Variants in UBE2D1 observed in about 807,000 individuals in gnomAD.
UBE2D1 encodes ubiquitin conjugating enzyme E2 D1.
Under a neutral mutation model 24.6 loss-of-function variants are expected in UBE2D1, and 9 were observed. That is an observed-to-expected ratio of 0.37 (90% CI 0.22 to 0.64). The LOEUF (loss-of-function observed/expected upper bound fraction) is 0.64. Ranked by LOEUF, UBE2D1 falls within the 30% of genes least tolerant of loss-of-function variation. The probability of loss-of-function intolerance (pLI) is 0.64; values close to 1 mark genes in which losing one functional copy is unlikely to be tolerated. For synonymous variants in UBE2D1, 57 were observed against 57.6 expected, an observed-to-expected ratio of 0.99 and a Z score of 0.04; for missense variants, 87 against 177.1, an observed-to-expected ratio of 0.49 and a Z score of 2.89.
chr10:58,350,837 A>G (rs1409354815), intron 1 of UBE2D1, among the ~76,000 whole-genome samples: 1 of 152,210 alleles, frequency 6.6e-6, no homozygotes, highest in Admixed American at 6.5e-5. Flanking sequence ...CATCGAGTGT[A>G]CTTACACAAA....
rs1840234446 is a variant in UBE2D1 at position 58,364,463 on chromosome 10, GTTAA to G, written c.199-304_199-301del. On this transcript the variant is annotated intron_variant, in intron 4 of 6. Coordinates refer to ENST00000373910, the MANE Select transcript of UBE2D1 (RefSeq NM_003338.5). Reference sequence around the variant, plus strand: ...ACTTCTACATATGATGGAAGCCATGGTTAATTACTTTAGATGCTGCTCAACCAGT... The same window carrying G: ...ACTTCTACATATGATGGAAGCCATGGTTACTTTAGATGCTGCTCAACCAGT... The G allele has an allele frequency of 2.0e-5, 4 of 200,042 alleles. No homozygotes were observed. In the Admixed American group the frequency reaches 2.4e-4, roughly 12 times the overall value. 12.4% of individuals were successfully genotyped at this position (200,042 alleles called of 1,614,324 possible). A position where few individuals can be genotyped will look rare whatever the true frequency, so the allele number is the denominator to read the frequency against.
At chr10:58,350,217 G>C (rs1442261447) in intron 1 of UBE2D1, among the ~76,000 whole-genome samples, 1 of 152,154 alleles carries the variant, frequency 6.6e-6, no homozygotes, top group Non-Finnish European at 1.5e-5. Context: ...GTTACTATCA[G>C]TTTTCCTCTT....
At chr10:58,335,284 C>T (rs941950688) in intron 1 of UBE2D1, 59 bp downstream of exon 1, 48 of 1,466,988 alleles carry the variant, frequency 3.3e-5, no homozygotes, top group Non-Finnish European at 4.1e-5. Flanking sequence ...CACGCTGACT[C>T]GGCCAGTGGT....
rs1341585840 is a variant in UBE2D1 at position 58,344,295 on chromosome 10, C to A, written c.24+9070C>A. Among the ~76,000 whole-genome samples the A allele has an allele frequency of 3.9e-5, 6 of 152,112 alleles. No individual in the cohort carries two copies. The East Asian group carries it at 1.2e-3, about 29-fold the overall frequency. ...TGAAAATAATGTGCTCTAGCTGTTA[C>A]AGTGTTGAGGTGAGTATTGAATTGG... is the stretch of plus-strand genomic sequence containing the variant. On this transcript the variant is annotated intron_variant, in intron 1 of 6. Transcript: ENST00000373910.
intron 1 of UBE2D1, among the ~76,000 whole-genome samples, chr10:58,344,938 C>G (rs1328459914): frequency 6.6e-6 from 1 of 151,698 alleles, no homozygotes; most frequent in African/African-American, 2.4e-5. Context: ...GATCTCAGCT[C>G]ACTGCAACCT....
At chr10:58,356,647 A>G (rs1473234425) in intron 1 of UBE2D1, among the ~76,000 whole-genome samples, 1 of 152,112 alleles carries the variant, frequency 6.6e-6, no homozygotes, top group East Asian at 1.9e-4. Flanking sequence ...GTTATTACCA[A>G]ATTTCCCTCC....
At chr10:58,354,392 C>T (rs1293676608) in intron 1 of UBE2D1, among the ~76,000 whole-genome samples, 1 of 150,938 alleles carries the variant, frequency 6.6e-6, no homozygotes, top group Non-Finnish European at 1.5e-5. Context: ...CAGGTTATAC[C>T]TGCAGTTCTT....
intron 1 of UBE2D1, among the ~76,000 whole-genome samples, chr10:58,335,905 C>T (rs1397475652): frequency 2.0e-5 from 3 of 152,258 alleles, no homozygotes; most frequent in African/African-American, 7.2e-5. Context: ...GGCTGTGATT[C>T]ACGGTGAGTC....
chr10:58,356,755 G>A (rs907688383), intron 1 of UBE2D1, among the ~76,000 whole-genome samples: 2 of 152,168 alleles, frequency 1.3e-5, no homozygotes, highest in Non-Finnish European at 1.5e-5. Flanking sequence ...CAATGGTTTG[G>A]TCCAGGTATG....
intron 3 of UBE2D1, among the ~76,000 whole-genome samples, chr10:58,363,164 C>G (rs760954731): frequency 1.4e-4 from 22 of 152,102 alleles, no homozygotes; most frequent in Non-Finnish European, 3.2e-4. Context: ...CATCTCCATT[C>G]TTGGTCATCA....
At chr10:58,341,721 A>G (rs1839963772) in intron 1 of UBE2D1, among the ~76,000 whole-genome samples, 1 of 152,208 alleles carries the variant, frequency 6.6e-6, no homozygotes, top group Non-Finnish European at 1.5e-5. Context: ...TAGAAAACAT[A>G]TGGGCCCTTT....
At chr10:58,365,286 A>G (rs1440694878) in intron 5 of UBE2D1, among the ~76,000 whole-genome samples, 1 of 152,170 alleles carries the variant, frequency 6.6e-6, no homozygotes, top group Non-Finnish European at 1.5e-5. Flanking sequence ...TGGGCAACAT[A>G]GGAGACCCCA....
chr10:58,358,515 T>C (rs956966767), intron 1 of UBE2D1, among the ~76,000 whole-genome samples: 2 of 152,210 alleles, frequency 1.3e-5, no homozygotes, highest in Admixed American at 1.3e-4. Flanking sequence ...TTCCCTTTAT[T>C]TGAATGCTTA....
chr10:58,350,446 A>G (rs1313066124), intron 1 of UBE2D1, among the ~76,000 whole-genome samples: 1 of 152,106 alleles, frequency 6.6e-6, no homozygotes, highest in Non-Finnish European at 1.5e-5. Context: ...GTTTATGTTT[A>G]AGCTGCTTTT....
At chr10:58,340,359 T>C (rs1293707350) in intron 1 of UBE2D1, among the ~76,000 whole-genome samples, 2 of 152,196 alleles carry the variant, frequency 1.3e-5, no homozygotes, top group Admixed American at 6.5e-5. Context: ...AACCAGACCA[T>C]GGGCAGAGCA....
chr10:58,336,623 G>A (rs1320797553), intron 1 of UBE2D1, among the ~76,000 whole-genome samples: 2 of 152,140 alleles, frequency 1.3e-5, no homozygotes, highest in South Asian at 2.1e-4. Flanking sequence ...TGAAGGTAGC[G>A]CAATTACACA....
At chr10:58,337,477 A>G (rs930513040) in intron 1 of UBE2D1, among the ~76,000 whole-genome samples, 1 of 152,134 alleles carries the variant, frequency 6.6e-6, no homozygotes, top group Admixed American at 6.5e-5. Flanking sequence ...TAGAATTCTT[A>G]TTTGAATCTT....
At chr10:58,368,131 T>C (rs1025438226) in intron 6 of UBE2D1, 115 bp downstream of exon 6, 1 of 717,338 alleles carries the variant, frequency 1.4e-6, no homozygotes, top group African/African-American at 1.8e-5. Context: ...ATATGTATAT[T>C]GTTTATCTTT....
At chr10:58,345,967 A>G (rs908830759) in intron 1 of UBE2D1, among the ~76,000 whole-genome samples, 25 of 151,242 alleles carry the variant, frequency 1.7e-4, no homozygotes, top group Non-Finnish European at 1.5e-5. Flanking sequence ...AATGCAGAAG[A>G]TTGGGGAAGC....
Sources: allele counts gnomAD v4.1 joint callset (sites outside exome capture counted in the v4.1 genomes callset), GRCh38; gene constraint gnomAD v4.1.1; transcripts MANE v1.5; gene names NCBI Gene and HGNC (gene_info 2026-07-23, HGNC 2026-07-21).